Variants in C12orf56 observed in about 807,000 individuals in gnomAD.
The protein encoded by C12orf56 is uncharacterized protein C12orf56.
Under a neutral mutation model 69.9 loss-of-function variants are expected in C12orf56, and 71 were observed. That is an observed-to-expected ratio of 1.02 (90% CI 0.84 to 1.24). The LOEUF (loss-of-function observed/expected upper bound fraction) is 1.24. Among genes scored for constraint, C12orf56 ranks in the 50% most tolerant of loss-of-function variants. The pLI is 0.00. For synonymous variants in C12orf56, 276 were observed against 274.1 expected (o/e 1.01, Z -0.07); for missense variants, 732 against 738.5 (o/e 0.99, Z 0.10).
intron 6 of C12orf56, among the ~76,000 whole-genome samples, chr12:64,298,479 G>C (rs1167735618): frequency 6.6e-6 from 1 of 152,208 alleles, no homozygotes; most frequent in African/African-American, 2.4e-5. Context: ...GAATGGTATT[G>C]CCTAGGTTTT....
intron 1 of C12orf56, among the ~76,000 whole-genome samples, chr12:64,354,650 G>A (rs1265120626): frequency 2.0e-5 from 3 of 151,400 alleles, no homozygotes; most frequent in Non-Finnish European, 4.4e-5. Context: ...GTAGAGATGG[G>A]GTTTCACCAT....
intron 2 of C12orf56, among the ~76,000 whole-genome samples, chr12:64,333,575 C>A (rs943415047): frequency 6.6e-6 from 1 of 152,194 alleles, no homozygotes; most frequent in African/African-American, 2.4e-5. Context: ...AATCTCGGCT[C>A]ACTGCAGCCT....
intron 4 of C12orf56, among the ~76,000 whole-genome samples, chr12:64,313,248 C>T (rs371827855): frequency 4.0e-5 from 2 of 50,082 alleles, no homozygotes; most frequent in African/African-American, 8.1e-5. Context: ...TGCAACAGAG[C>T]GAGACTCTGT....
rs1474554642 is a variant in C12orf56 at position 64,338,287 on chromosome 12, A to T, written c.416-7255T>A. 3 of 516,136 alleles carry T rather than the reference A, an allele frequency of 5.8e-6. No homozygotes were observed. The African/African-American group carries it at 5.9e-5, about 10-fold the overall frequency. The allele number at this position is 516,136 out of a possible 1,614,324, so 32.0% of individuals were successfully genotyped here. ...CCAGGGTATTGGAAACCTTTATGTT[A>T]CAATCCCCATTATATATCTCAACTC... is the stretch of plus-strand genomic sequence containing the variant. On this transcript the variant is annotated intron_variant, in intron 2 of 12. Coordinates refer to ENST00000543942, the MANE Select transcript of C12orf56 (RefSeq NM_001170633.2).
intron 1 of C12orf56, among the ~76,000 whole-genome samples, chr12:64,355,600 G>A (rs2039300534): frequency 6.6e-6 from 1 of 152,072 alleles, no homozygotes; most frequent in Non-Finnish European, 1.5e-5. Context: ...TAATTTCCAA[G>A]ATCCTTAGGT....
chr12:64,390,745 C>T lies in C12orf56; in HGVS notation c.-180G>A, dbSNP rs1410091646. On this transcript the variant is annotated 5_prime_UTR_variant, in exon 1 of 13. Coordinates refer to ENST00000543942, the MANE Select transcript of C12orf56 (RefSeq NM_001170633.2). Reference sequence around the variant, plus strand: ...ACGCTAGGTCGGCTTCCCTGGAGCGCCCTCCCCAGCCCTGTCCAGCCTCTC... The same window carrying T: ...ACGCTAGGTCGGCTTCCCTGGAGCGTCCTCCCCAGCCCTGTCCAGCCTCTC... 2 of 773,454 alleles carry T rather than the reference C, an allele frequency of 2.6e-6. No homozygotes were observed. Among genetic ancestry groups the T allele is most frequent in the Non-Finnish European group, 3.7e-6 (2 of 533,962 alleles). 47.9% of individuals were successfully genotyped at this position (773,454 alleles called of 1,614,324 possible). A position where few individuals can be genotyped will look rare whatever the true frequency, so the allele number is the denominator to read the frequency against.
At chr12:64,297,122 T>C (rs532429851) in intron 6 of C12orf56, among the ~76,000 whole-genome samples, 1 of 152,334 alleles carries the variant, frequency 6.6e-6, no homozygotes, top group South Asian at 2.1e-4. Context: ...GAACGTATGT[T>C]TTCCAAGAAA....
chr12:64,338,747 A>C (rs992611416), intron 2 of C12orf56: 2 of 1,466,820 alleles, frequency 1.4e-6, no homozygotes, highest in Non-Finnish European at 1.9e-6. Context: ...AATGAAAGCC[A>C]TCATATGCTT....
chr12:64,377,629 C>T (rs1020363311), intron 1 of C12orf56, among the ~76,000 whole-genome samples: 10 of 152,114 alleles, frequency 6.6e-5, no homozygotes, highest in Admixed American at 5.2e-4. Context: ...GTTATTCTTG[C>T]TTTCATAGCC....
chr12:64,326,092 T>G (rs1488509244), intron 3 of C12orf56, among the ~76,000 whole-genome samples: 1 of 152,104 alleles, frequency 6.6e-6, no homozygotes, highest in Non-Finnish European at 1.5e-5. Context: ...AAAAATAGAT[T>G]TCAAGACACT....
chr12:64,356,952 A>G (rs909842407), intron 1 of C12orf56, among the ~76,000 whole-genome samples: 3 of 152,330 alleles, frequency 2.0e-5, no homozygotes, highest in East Asian at 1.9e-4. Flanking sequence ...TCAGGCACCC[A>G]TGATTCTCTC....
At chr12:64,369,316 G>C (rs1038591796) in intron 1 of C12orf56, among the ~76,000 whole-genome samples, 3 of 152,072 alleles carry the variant, frequency 2.0e-5, no homozygotes, top group African/African-American at 7.2e-5. Flanking sequence ...TCCTGCCTCA[G>C]CCTCCCAAAT....
chr12:64,390,430 C>CA lies in C12orf56; in HGVS notation c.135dup (p.Glu46Ter). The CA allele has an allele frequency of 6.2e-7, 1 of 1,612,462 alleles. No homozygotes were observed. Among genetic ancestry groups the CA allele is most frequent in the South Asian group, 1.1e-5 (1 of 91,086 alleles). ...ACCACATACTTGAGGATGTGGTTCT[C>CA]AGAGTTGGACACCACGATGCATGGC... On this transcript the variant is annotated frameshift_variant, in exon 1 of 13. Coordinates refer to ENST00000543942, the MANE Select transcript of C12orf56 (RefSeq NM_001170633.2). LOFTEE classifies it high-confidence loss of function.
chr12:64,299,582 T>C (rs1185386647), intron 6 of C12orf56, among the ~76,000 whole-genome samples: 1 of 152,154 alleles, frequency 6.6e-6, no homozygotes, highest in Non-Finnish European at 1.5e-5. Context: ...GCACCTGGAA[T>C]ATGCATGCAT....
intron 2 of C12orf56, among the ~76,000 whole-genome samples, chr12:64,340,917 G>C (rs2039066215): frequency 1.3e-5 from 2 of 152,166 alleles, no homozygotes; most frequent in Non-Finnish European, 2.9e-5. Flanking sequence ...GAATTGGGCT[G>C]TTGTAGTTTC....
chr12:64,361,350 G>C (rs1447334716), intron 1 of C12orf56, among the ~76,000 whole-genome samples: 1 of 152,144 alleles, frequency 6.6e-6, no homozygotes, highest in Admixed American at 6.6e-5. Flanking sequence ...GTAAAATGAG[G>C]CTGAGACCTG....
chr12:64,311,008 G>A (rs2038604385), intron 5 of C12orf56, among the ~76,000 whole-genome samples: 1 of 152,008 alleles, frequency 6.6e-6, no homozygotes, highest in Non-Finnish European at 1.5e-5. Context: ...TCAGAATGAT[G>A]GTTTCCAGCT....
At chr12:64,359,655 G>A (rs191177046) in intron 1 of C12orf56, among the ~76,000 whole-genome samples, 49 of 152,184 alleles carry the variant, frequency 3.2e-4, no homozygotes, top group African/African-American at 1.0e-3. Context: ...GAACAGGGCA[G>A]GAAGGCTTAA....
chr12:64,355,216 A>G (rs2039294476), intron 1 of C12orf56, among the ~76,000 whole-genome samples: 1 of 152,204 alleles, frequency 6.6e-6, no homozygotes, highest in African/African-American at 2.4e-5. Context: ...AATATAAGAA[A>G]GAAATATCAA....
Sources: gnomAD v4.1 joint callset for allele counts (sites outside exome capture counted in the v4.1 genomes callset) on GRCh38, gnomAD v4.1.1 for gene constraint, MANE v1.5 for transcripts, NCBI Gene and HGNC (gene_info 2026-07-23, HGNC 2026-07-21) for gene names.